MAPK10: variants seen among roughly 807,000 people sequenced by gnomAD.
MAPK10 encodes the protein JNK3 alpha protein kinase.
In MAPK10, 25 loss-of-function variants were observed where a neutral mutation model predicts 59.3. The observed-to-expected ratio is 0.42, with a 90% CI of 0.31 to 0.59. The LOEUF is 0.59. Among genes scored for constraint, MAPK10 ranks in the 20% least tolerant of loss-of-function variants. The pLI is 0.15. For synonymous variants in MAPK10, 190 were observed against 200.5 expected, an observed-to-expected ratio of 0.95 and a Z score of 0.44; for missense variants, 351 against 568.9, an observed-to-expected ratio of 0.62 and a Z score of 3.90.
chr4:86,183,922 G>A (rs1252031621), intron 3 of MAPK10, among the ~76,000 whole-genome samples: 2 of 152,094 alleles, frequency 1.3e-5, no homozygotes, highest in East Asian at 3.9e-4. Context: ...GTGTCTTTTG[G>A]CTGCATAAAT....
At chr4:86,251,915 T>C (rs1195575573) in intron 2 of MAPK10, among the ~76,000 whole-genome samples, 1 of 126,642 alleles carries the variant, frequency 7.9e-6, no homozygotes, top group Non-Finnish European at 1.6e-5. Context: ...TTTGCATTTC[T>C]CTGATGGCCA....
intron 2 of MAPK10, among the ~76,000 whole-genome samples, chr4:86,229,604 C>T (rs2091225753): frequency 6.6e-6 from 1 of 151,888 alleles, no homozygotes. Context: ...TAATGGTTAA[C>T]TAAAAATGCA....
chr4:86,063,328 T>C (rs1579424580), intron 11 of MAPK10, among the ~76,000 whole-genome samples: 1 of 152,142 alleles, frequency 6.6e-6, no homozygotes, highest in South Asian at 2.1e-4. Context: ...AAGAATACTT[T>C]GGGGAAACAA....
At chr4:86,418,454 C>G (rs1015699569) in intron 1 of MAPK10, among the ~76,000 whole-genome samples, 1 of 152,052 alleles carries the variant, frequency 6.6e-6, no homozygotes, top group Admixed American at 6.6e-5. Flanking sequence ...ATCATTTGTA[C>G]GAAATGCACC....
At chr4:86,367,389 G>T (rs1738068771) in intron 1 of MAPK10, among the ~76,000 whole-genome samples, 1 of 152,088 alleles carries the variant, frequency 6.6e-6, no homozygotes, top group African/African-American at 2.4e-5. Context: ...TTCCCCAAGT[G>T]TATTCTACTT....
At chr4:86,296,966 T>A (rs934095541) in intron 2 of MAPK10, among the ~76,000 whole-genome samples, 2 of 152,310 alleles carry the variant, frequency 1.3e-5, no homozygotes, top group Non-Finnish European at 1.5e-5. Flanking sequence ...GTTATCAAAC[T>A]TCGTGTGCAT....
At chr4:86,293,357 G>C (rs531205429) in intron 2 of MAPK10, among the ~76,000 whole-genome samples, 1 of 152,288 alleles carries the variant, frequency 6.6e-6, no homozygotes, top group South Asian at 2.1e-4. Flanking sequence ...ACTTAAGCCT[G>C]TATCTATTTG....
rs528869789 is a variant in MAPK10 at position 86,101,815 on chromosome 4, C to T, written c.564+79G>A. On this transcript the variant is annotated intron_variant, in intron 7 of 13. Transcript: ENST00000641462. ...AAGTATATTATATTTGACCAATGCC[C>T]CCCGTATAAAGAAAATAATCTACAG... The T allele has an allele frequency of 9.9e-4, 1,429 of 1,441,786 alleles. 23 individuals are homozygous for T. In the South Asian group the frequency reaches 0.016, roughly 16 times the overall value. 89.3% of individuals were successfully genotyped at this position (1,441,786 alleles called of 1,614,324 possible).
intron 2 of MAPK10, among the ~76,000 whole-genome samples, chr4:86,260,057 A>G (rs1277141337): frequency 2.0e-5 from 3 of 152,016 alleles, no homozygotes; most frequent in African/African-American, 7.2e-5. Context: ...ATAGCCATTC[A>G]CTCTTCTAAG....
chr4:86,247,130 G>A (rs759384656), intron 2 of MAPK10, among the ~76,000 whole-genome samples: 8 of 152,142 alleles, frequency 5.3e-5, no homozygotes, highest in Admixed American at 2.0e-4. Flanking sequence ...AGAAGGAAGA[G>A]GGAAGAACCA....
At chr4:86,564,949 A>G (rs560963449) in intron 1 of MAPK10, among the ~76,000 whole-genome samples, 1 of 152,262 alleles carries the variant, frequency 6.6e-6, no homozygotes, top group African/African-American at 2.4e-5. Flanking sequence ...GTGCTTAATG[A>G]TTTGGCATCT....
chr4:86,159,895 A>C (rs987633887), intron 3 of MAPK10, among the ~76,000 whole-genome samples: 4 of 148,862 alleles, frequency 2.7e-5, no homozygotes, highest in African/African-American at 1.0e-4. Context: ...AGAACAGATA[A>C]AAAATTGTAT....
intron 1 of MAPK10, among the ~76,000 whole-genome samples, chr4:86,385,384 C>A (rs1425284431): frequency 1.3e-5 from 2 of 152,084 alleles, no homozygotes; most frequent in East Asian, 3.8e-4. Context: ...AATGGCATAA[C>A]CTTTCCAAAG....
intron 1 of MAPK10, among the ~76,000 whole-genome samples, chr4:86,474,930 TG>T (rs1276702755): frequency 1.3e-5 from 2 of 152,190 alleles, no homozygotes; most frequent in Non-Finnish European, 2.9e-5. Flanking sequence ...GAAGTGAAAA[TG>T]GCCGGTCCTT....
intron 7 of MAPK10, 147 bp from the exon 8 acceptor site, chr4:86,101,364 T>C (rs2055352841): frequency 3.7e-6 from 2 of 540,222 alleles, no homozygotes; most frequent in East Asian, 5.7e-5. Flanking sequence ...TGATTACTGC[T>C]ACAAATAAGT....
chr4:86,338,452 A>C (rs1437770323), intron 2 of MAPK10, among the ~76,000 whole-genome samples: 1 of 152,066 alleles, frequency 6.6e-6, no homozygotes, highest in African/African-American at 2.4e-5. Flanking sequence ...TCACCCTGGT[A>C]TTTGGGCTTC....
intron 1 of MAPK10, among the ~76,000 whole-genome samples, chr4:86,412,121 C>T (rs1217068789): frequency 6.6e-6 from 1 of 152,114 alleles, no homozygotes; most frequent in Non-Finnish European, 1.5e-5. Context: ...TCAGCATTTG[C>T]TTATCTGTAA....
At chr4:86,128,982 T>C (rs145227774) in intron 4 of MAPK10, among the ~76,000 whole-genome samples, 4 of 152,274 alleles carry the variant, frequency 2.6e-5, no homozygotes, top group Non-Finnish European at 5.9e-5. Context: ...AATTCCTATA[T>C]GCCTTTCTGA....
chr4:86,448,052 C>G (rs1750247295), intron 1 of MAPK10, among the ~76,000 whole-genome samples: 1 of 152,136 alleles, frequency 6.6e-6, no homozygotes, highest in Non-Finnish European at 1.5e-5. Context: ...CTATCTCACA[C>G]AGTTTTTGTG....
Sources: gnomAD v4.1 joint callset for allele counts (sites outside exome capture counted in the v4.1 genomes callset) on GRCh38, gnomAD v4.1.1 for gene constraint, MANE v1.5 for transcripts, NCBI Gene and HGNC (gene_info 2026-07-23, HGNC 2026-07-21) for gene names.